Variants in HDLBP observed in about 807,000 individuals in gnomAD.
The protein encoded by HDLBP is vigilin.
A neutral mutation model predicts 137.3 loss-of-function variants in HDLBP; 30 were observed. The observed-to-expected ratio is 0.22, with a 90% CI of 0.16 to 0.30. The LOEUF (loss-of-function observed/expected upper bound fraction) is 0.30. Ranked by LOEUF, HDLBP falls within the 10% of genes least tolerant of loss-of-function variation. The pLI is 1.00. For missense variants in HDLBP, 1,119 were observed against 1,667.3 expected, an observed-to-expected ratio of 0.67 and a Z score of 5.73; for synonymous variants, 606 against 596.0, an observed-to-expected ratio of 1.02 and a Z score of -0.24.
chr2:241,229,982 G>A lies in HDLBP; in HGVS notation c.3592-21C>T, dbSNP rs201451730. The A allele has an allele frequency of 4.0e-4, 633 of 1,585,586 alleles. 1 individual carries two copies. In the African/African-American group the frequency reaches 7.7e-3, roughly 19 times the overall value. The stretch of plus-strand genomic sequence containing the variant: ...GCTAGCTGCAGGCAGAAGACAGGAA[G>A]ACAGGGTCAGTCTGCCCAGCACCCC... On this transcript the variant is annotated intron_variant, in intron 26 of 27. Transcript: ENST00000310931.
At position 241,233,626 on chromosome 2, in the gene HDLBP, T is replaced by C. The variant is rs1257750737; in HGVS notation, c.3288+194A>G. 6.6e-6 allele frequency among the ~76,000 whole-genome samples: 1 copy of C among 152,078 alleles called. No homozygotes were observed. Among genetic ancestry groups the C allele is most frequent in the African/African-American group, 2.4e-5 (1 of 41,394 alleles). Reference sequence around the variant, plus strand: ...GCTCCAGGCCCCAGATGATACATAGTGCCAGAGACCTCACCCATCTGGCAA... The same window carrying C: ...GCTCCAGGCCCCAGATGATACATAGCGCCAGAGACCTCACCCATCTGGCAA... On this transcript the variant is annotated intron_variant, in intron 24 of 27. Transcript: ENST00000310931. This position sits in a 1 kb window ranked among gnomAD's most constrained non-coding sequence, Gnocchi z 4.3.
chr2:241,232,815 T>C (rs931211277), intron 24 of HDLBP, among the ~76,000 whole-genome samples: 2 of 151,502 alleles, frequency 1.3e-5, no homozygotes, highest in African/African-American at 4.9e-5. Flanking sequence ...ACTATCTCTC[T>C]CAAAAAAAAG....
chr2:241,264,738 CT>C (rs2073517754), intron 3 of HDLBP, 133 bp from the exon 4 acceptor site: 1 of 829,018 alleles, frequency 1.2e-6, no homozygotes, highest in Non-Finnish European at 1.9e-6. Context: ...CCCCCCACCC[CT>C]CTCTTCTAAT....
intron 1 of HDLBP, among the ~76,000 whole-genome samples, chr2:241,297,735 A>G (rs2075233240): frequency 6.6e-6 from 1 of 152,090 alleles, no homozygotes; most frequent in East Asian, 1.9e-4. Context: ...TACAAGAAAG[A>G]AAGAGAAGAG....
rs777296867 is a variant in HDLBP, at chr2:241,235,238, C to G, written c.3027G>C (p.Pro1009=). Residue 1009 remains proline, a synonymous_variant, in exon 23 of 28, where the codon CCG becomes CCC. Transcript: ENST00000310931. ...TGATGTCAGACTGCAGCTCAGGTGCCGGGACATGTATGTTCACCTACGTGA... is the reference window on the plus strand; with the variant it reads ...TGATGTCAGACTGCAGCTCAGGTGCGGGGACATGTATGTTCACCTACGTGA... The part of the protein sequence containing the change: ...MDEFEVNIHV[P]APELQSDIIA... 2.5e-6 allele frequency: 4 copies of G among 1,614,156 alleles called. No homozygotes were observed. The highest frequency in any genetic ancestry group is 3.4e-6 in the Non-Finnish European group (4 of 1,180,034).
intron 15 of HDLBP, 80 bp from the exon 16 acceptor site, chr2:241,246,963 T>G (rs2071729155): frequency 6.3e-7 from 1 of 1,578,600 alleles, no homozygotes; most frequent in Non-Finnish European, 8.7e-7. Flanking sequence ...GGGCTAGAAG[T>G]AAGGAAGAGT....
chr2:241,244,687 T>C (rs7567110), intron 16 of HDLBP, among the ~76,000 whole-genome samples: 3,723 of 152,286 alleles, frequency 0.024, 139 homozygotes, highest in African/African-American at 0.085. Context: ...GTGGTTTCCT[T>C]CAGACAGAAG....
intron 1 of HDLBP, among the ~76,000 whole-genome samples, chr2:241,277,838 G>C (rs2074448437): frequency 6.6e-6 from 1 of 152,048 alleles, no homozygotes; most frequent in African/African-American, 2.4e-5. Flanking sequence ...GTGCATGCCT[G>C]TAATCCCAGC....
intron 1 of HDLBP, among the ~76,000 whole-genome samples, chr2:241,304,189 C>T (rs936443715): frequency 1.3e-5 from 2 of 152,216 alleles, no homozygotes; most frequent in African/African-American, 4.8e-5. Context: ...CCTCAAAATA[C>T]GTATATGGCA....
rs1361488444 is a variant in HDLBP, at chr2:241,228,376, C to G, written c.*1225G>C. 6.6e-6 allele frequency: 1 copy of G among 152,426 alleles called. No homozygotes were observed. Among genetic ancestry groups the G allele is most frequent in the African/African-American group, 2.4e-5 (1 of 41,480 alleles). The allele number at this position is 152,426 out of a possible 1,614,324, so 9.4% of individuals were successfully genotyped here. Reference sequence around the variant, plus strand: ...GCGGCGTGGTCTGCATTCTGCTCTACCTCATGCTCTAGGCCCCATGCCATC... The same window carrying G: ...GCGGCGTGGTCTGCATTCTGCTCTAGCTCATGCTCTAGGCCCCATGCCATC... On this transcript the variant is annotated 3_prime_UTR_variant, in exon 28 of 28. Coordinates refer to ENST00000310931, the MANE Select transcript of HDLBP (RefSeq NM_005336.6).
In HDLBP at chr2:241,272,802, C is replaced by T. The variant is rs868827579; in HGVS notation, c.-102-4261G>A. On this transcript the variant is annotated intron_variant, in intron 1 of 27. Transcript: ENST00000310931. The surrounding 1 kb of genome is among the most constrained non-coding windows in gnomAD (Gnocchi z 5.6). ...GCTGGTCCTGCCGCTGGCTTACTCG[C>T]CCCCCGCGCGGGAGAAGCCGGGACG... is the stretch of plus-strand genomic sequence containing the variant. 1.1e-4 allele frequency: 30 copies of T among 275,798 alleles called. No homozygotes were observed. The highest frequency in any genetic ancestry group is 5.5e-4 in the South Asian group (4 of 7,292). The allele number at this position is 275,798 out of a possible 1,614,324, so 17.1% of individuals were successfully genotyped here.
At position 241,229,600 on chromosome 2, in the gene HDLBP, A is replaced by G. The variant is rs2069467272; in HGVS notation, c.*1T>C. The G allele has an allele frequency of 1.9e-6, 3 of 1,611,584 alleles. No homozygotes were observed. The highest frequency in any genetic ancestry group is 1.3e-5 in the African/African-American group (1 of 74,848). On this transcript the variant is annotated 3_prime_UTR_variant, in exon 28 of 28. Transcript: ENST00000310931. The stretch of plus-strand genomic sequence containing the variant: ...GGAGAGGGTTCTGTTCTTTTTGATC[A>G]TTATCGTTTGGGGCCCCAAGGGAGG...
intron 20 of HDLBP, 95 bp from the exon 21 acceptor site, chr2:241,236,864 G>T: frequency 7.3e-7 from 1 of 1,361,810 alleles, no homozygotes; most frequent in Non-Finnish European, 1.0e-6. Context: ...CCTGCTGGGT[G>T]CTGGGTGGTA....
intron 26 of HDLBP, 33 bp from the exon 27 acceptor site, chr2:241,229,994 C>G (rs1211401061): frequency 1.9e-6 from 3 of 1,575,436 alleles, no homozygotes; most frequent in South Asian, 1.2e-5. Context: ...CAGGGTCAGT[C>G]TGCCCAGCAC....
chr2:241,248,407 T>A, intron 12 of HDLBP, 59 bp from the exon 13 acceptor site: 1 of 1,328,136 alleles, frequency 7.5e-7, no homozygotes, highest in Non-Finnish European at 1.1e-6. Context: ...AACTCCCCAC[T>A]GACACAAGGG....
Position 241,229,509 on chromosome 2 carries a change from G to A in HDLBP, c.*92C>T, listed in dbSNP as rs2305069. The A allele has an allele frequency of 8.0e-3, 7,365 of 916,012 alleles. 283 individuals carry two copies. The East Asian group carries it at 0.084, about 10-fold the overall frequency. 56.7% of individuals were successfully genotyped at this position (916,012 alleles called of 1,614,324 possible). On this transcript the variant is annotated 3_prime_UTR_variant, in exon 28 of 28. Transcript: ENST00000310931. ...AGGGGGAAGAGCGTCAACAATTTAC[G>A]GAGGGTCCAGCCGCTGGGTCAGATT...
rs2074207751 is a variant in HDLBP at position 241,272,776 on chromosome 2, C to T, written c.-102-4235G>A. 2.3e-5 allele frequency: 7 copies of T among 303,744 alleles called. No homozygotes were observed. Among genetic ancestry groups the T allele is most frequent in the Non-Finnish European group, 2.9e-5 (6 of 208,278 alleles). The allele number at this position is 303,744 out of a possible 1,614,324, so 18.8% of individuals were successfully genotyped here. A position where few individuals can be genotyped will look rare whatever the true frequency, so the allele number is the denominator to read the frequency against. On this transcript the variant is annotated intron_variant, in intron 1 of 27. Transcript: ENST00000310931. This position sits in a 1 kb window ranked among gnomAD's most constrained non-coding sequence, Gnocchi z 5.6. ...GCGCGCTCACTCGTGGGCCCCCGCC[C>T]GCTGGTCCTGCCGCTGGCTTACTCG...
intron 16 of HDLBP, among the ~76,000 whole-genome samples, chr2:241,244,854 A>G (rs779902832): frequency 2.6e-5 from 4 of 152,234 alleles, no homozygotes; most frequent in Non-Finnish European, 4.4e-5. Flanking sequence ...CTGAAAGCCA[A>G]TCATATAAAA....
At chr2:241,258,330 G>C (rs1043239244) in intron 5 of HDLBP, among the ~76,000 whole-genome samples, 2 of 116,944 alleles carry the variant, frequency 1.7e-5, no homozygotes, top group African/African-American at 3.3e-5. Context: ...CTGGGCGACA[G>C]AGCAAGACTC....
Sources: gnomAD v4.1 joint callset for allele counts (sites outside exome capture counted in the v4.1 genomes callset) on GRCh38, gnomAD v4.1.1 for gene constraint, Gnocchi (gnomAD v3.1) non-coding constraint, MANE v1.5 for transcripts, NCBI Gene and HGNC (gene_info 2026-07-23, HGNC 2026-07-21) for gene names.